The following NSMCE2 variants were observed in gnomAD, a reference collection of about 807,000 sequenced individuals.
NSMCE2 encodes E3 SUMO-protein ligase NSE2.
NSMCE2 carries 24 observed loss-of-function variants against 23.8 expected under a neutral mutation model. The ratio of observed to expected loss-of-function variants is 1.01; its 90% CI spans 0.73 to 1.42. NSMCE2 has a LOEUF of 1.42. Ranked by LOEUF, NSMCE2 falls within the 40% of genes most tolerant of loss-of-function variation. The pLI, the probability that NSMCE2 is intolerant of heterozygous loss-of-function variation, is 0.00. For synonymous variants in NSMCE2, 92 were observed against 94.1 expected, an observed-to-expected ratio of 0.98 and a Z score of 0.13; for missense variants, 284 against 296.5, an observed-to-expected ratio of 0.96 and a Z score of 0.31.
chr8:125,347,465 T>G (rs1812822516), intron 5 of NSMCE2, among the ~76,000 whole-genome samples: 1 of 152,226 alleles, frequency 6.6e-6, no homozygotes, highest in African/African-American at 2.4e-5. Context: ...ACACAGGATA[T>G]AAATATTCAT....
At chr8:125,117,999 T>C (rs960617946) in intron 3 of NSMCE2, among the ~76,000 whole-genome samples, 1 of 152,194 alleles carries the variant, frequency 6.6e-6, no homozygotes, top group African/African-American at 2.4e-5. Context: ...TTTTTGTGTA[T>C]GAAATGTCTT....
intron 5 of NSMCE2, among the ~76,000 whole-genome samples, chr8:125,231,716 A>AAT (rs1316114765): frequency 1.3e-5 from 2 of 152,090 alleles, no homozygotes; most frequent in South Asian, 4.1e-4. Flanking sequence ...TTATGATAAA[A>AAT]ATATATATAT....
chr8:125,267,299 G>A (rs529846561), intron 5 of NSMCE2, among the ~76,000 whole-genome samples: 33 of 151,976 alleles, frequency 2.2e-4, no homozygotes, highest in Non-Finnish European at 4.7e-4. Flanking sequence ...GAGCCACCGC[G>A]CCCAGCCAAG....
At chr8:125,238,161 A>G (rs1377938724) in intron 5 of NSMCE2, among the ~76,000 whole-genome samples, 2 of 152,146 alleles carry the variant, frequency 1.3e-5, no homozygotes, top group African/African-American at 2.4e-5. Context: ...CTCTCTTGAG[A>G]CAGTGAGAAC....
chr8:125,156,464 GT>G, intron 4 of NSMCE2, among the ~76,000 whole-genome samples: 1 of 152,048 alleles, frequency 6.6e-6, no homozygotes, highest in East Asian at 1.9e-4. Context: ...CTACATATTT[GT>G]TTTTTTAAGT....
chr8:125,208,792 C>T (rs1032355766), intron 5 of NSMCE2, among the ~76,000 whole-genome samples: 2 of 152,112 alleles, frequency 1.3e-5, no homozygotes, highest in Non-Finnish European at 2.9e-5. Context: ...GAATCCTACT[C>T]AATTTAGAAT....
At chr8:125,222,078 G>T (rs1291065767) in intron 5 of NSMCE2, among the ~76,000 whole-genome samples, 1 of 151,974 alleles carries the variant, frequency 6.6e-6, no homozygotes, top group Non-Finnish European at 1.5e-5. Context: ...TTATATGCCA[G>T]AAACTATAGG....
Position 125,347,090 on chromosome 8 carries a change from G to A in NSMCE2, c.419-10129G>A, listed in dbSNP as rs77980892. 4.4e-3 allele frequency among the ~76,000 whole-genome samples: 677 copies of A among 152,228 alleles called. 2 individuals are homozygous for A. Among genetic ancestry groups the A allele is most frequent in the African/African-American group, 0.016 (650 of 41,546 alleles). The stretch of plus-strand genomic sequence containing the variant: ...GCTATCTACAGCTTGCTATTTGCCA[G>A]GAACCATGCTAAGAACTTTTCATAC... On this transcript the variant is annotated intron_variant, in intron 5 of 7. Transcript: ENST00000287437.
intron 5 of NSMCE2, among the ~76,000 whole-genome samples, chr8:125,263,739 G>A (rs1243213825): frequency 1.3e-5 from 2 of 149,208 alleles, no homozygotes; most frequent in East Asian, 3.9e-4. Flanking sequence ...GACAGAGCGA[G>A]ACTCCATCTC....
intron 3 of NSMCE2, among the ~76,000 whole-genome samples, chr8:125,113,855 T>G (rs1818876649): frequency 6.6e-6 from 1 of 152,144 alleles, no homozygotes; most frequent in Non-Finnish European, 1.5e-5. Flanking sequence ...GACTGGGAGC[T>G]TTTCAGAATG....
chr8:125,358,386 AT>A (rs1248503174), intron 7 of NSMCE2, among the ~76,000 whole-genome samples: 1 of 151,500 alleles, frequency 6.6e-6, no homozygotes, highest in African/African-American at 2.4e-5. Flanking sequence ...ATGATAAATT[AT>A]TTTTTTAATT....
intron 5 of NSMCE2, among the ~76,000 whole-genome samples, chr8:125,268,216 A>G (rs1319323380): frequency 6.6e-6 from 1 of 152,108 alleles, no homozygotes; most frequent in Non-Finnish European, 1.5e-5. Flanking sequence ...CCTGGGCAAC[A>G]AAGCAAGATG....
intron 5 of NSMCE2, among the ~76,000 whole-genome samples, chr8:125,355,193 G>T (rs577876416): frequency 1.3e-5 from 2 of 152,316 alleles, no homozygotes; most frequent in East Asian, 3.9e-4. Flanking sequence ...CTAGGTGATG[G>T]CCCACAGTCA....
intron 5 of NSMCE2, among the ~76,000 whole-genome samples, chr8:125,327,685 A>C (rs1829724155): frequency 6.6e-6 from 1 of 152,120 alleles, no homozygotes; most frequent in Non-Finnish European, 1.5e-5. Flanking sequence ...AAAAGGTGTT[A>C]AAAGTAAGAT....
intron 5 of NSMCE2, among the ~76,000 whole-genome samples, chr8:125,285,916 C>T (rs562487362): frequency 2.2e-3 from 334 of 152,092 alleles, no homozygotes; most frequent in African/African-American, 7.6e-3. Context: ...AGTGACTGTG[C>T]CAGGATTTGA....
intron 7 of NSMCE2, among the ~76,000 whole-genome samples, chr8:125,359,329 T>TG: frequency 8.0e-6 from 1 of 125,360 alleles, no homozygotes; most frequent in East Asian, 2.4e-4. Context: ...TTGCTCTTTC[T>TG]CTTTTTTTTT....
chr8:125,232,273 G>C (rs1403625868), intron 5 of NSMCE2, among the ~76,000 whole-genome samples: 1 of 151,956 alleles, frequency 6.6e-6, no homozygotes, highest in Non-Finnish European at 1.5e-5. Flanking sequence ...TGAGGCAGGA[G>C]AATCGCTTGA....
At chr8:125,344,291 T>G (rs1010345624) in intron 5 of NSMCE2, among the ~76,000 whole-genome samples, 10 of 152,198 alleles carry the variant, frequency 6.6e-5, no homozygotes, top group Admixed American at 1.3e-4. Flanking sequence ...GAGTACTAGA[T>G]ATAAAAAGCT....
chr8:125,197,969 C>T (rs927740502), intron 5 of NSMCE2, among the ~76,000 whole-genome samples: 1 of 152,084 alleles, frequency 6.6e-6, no homozygotes, highest in Non-Finnish European at 1.5e-5. Context: ...AATGGGAGTT[C>T]ACTCATGATT....
Sources: allele counts gnomAD v4.1 joint callset (sites outside exome capture counted in the v4.1 genomes callset), GRCh38; gene constraint gnomAD v4.1.1; transcripts MANE v1.5; gene names NCBI Gene and HGNC (gene_info 2026-07-23, HGNC 2026-07-21).